TENM4: variants seen among roughly 807,000 people sequenced by gnomAD.
The protein encoded by TENM4 is teneurin-4.
Under a neutral mutation model 243.3 loss-of-function variants are expected in TENM4, and 82 were observed. The ratio of observed to expected loss-of-function variants is 0.34; its 90% CI spans 0.28 to 0.40. The LOEUF (loss-of-function observed/expected upper bound fraction) is 0.40, where lower values mean the gene tolerates loss of function less well. TENM4 is among the 10% of genes least tolerant of loss of function. The probability of loss-of-function intolerance (pLI) is 1.00; values close to 1 mark genes in which losing one functional copy is unlikely to be tolerated. For missense variants in TENM4, 3,138 were observed against 3,673.3 expected, an observed-to-expected ratio of 0.85 and a Z score of 3.77; for synonymous variants, 1,412 against 1,456.3, an observed-to-expected ratio of 0.97 and a Z score of 0.69.
intron 28 of TENM4, among the ~76,000 whole-genome samples, chr11:78,695,740 G>A (rs1858944554): frequency 6.7e-6 from 1 of 150,212 alleles, no homozygotes; most frequent in Non-Finnish European, 1.5e-5. Flanking sequence ...GAAGTCTGCT[G>A]TAATTCTTAC....
chr11:78,996,747 T>C (rs1388429184), intron 6 of TENM4, among the ~76,000 whole-genome samples: 1 of 152,118 alleles, frequency 6.6e-6, no homozygotes, highest in Admixed American at 6.5e-5. Context: ...TTCTCTTCCC[T>C]TCTCTAGGAA....
intron 18 of TENM4, 100 bp from the exon 19 acceptor site, chr11:78,757,121 C>A: frequency 1.6e-6 from 2 of 1,287,452 alleles, no homozygotes; most frequent in Non-Finnish European, 2.1e-6. Flanking sequence ...TTCACTCATT[C>A]AAAAACTTTA....
intron 6 of TENM4, among the ~76,000 whole-genome samples, chr11:79,033,006 C>T (rs1027187251): frequency 6.6e-5 from 10 of 152,092 alleles, no homozygotes; most frequent in Admixed American, 2.0e-4. Flanking sequence ...AGTCACAGAG[C>T]AGTAAAATTC....
chr11:78,795,915 A>G (rs564476585), intron 15 of TENM4, among the ~76,000 whole-genome samples: 6 of 152,260 alleles, frequency 3.9e-5, no homozygotes, highest in Middle Eastern at 3.4e-3. Context: ...TCCTTTAGAC[A>G]TTGAGGCCAA....
intron 9 of TENM4, among the ~76,000 whole-genome samples, chr11:78,871,235 G>A (rs369337421): frequency 4.7e-4 from 71 of 152,272 alleles, no homozygotes; most frequent in African/African-American, 1.5e-3. Flanking sequence ...TCTATAAGAC[G>A]GTGATAATAA....
chr11:79,026,403 A>G (rs1299389147), intron 6 of TENM4, among the ~76,000 whole-genome samples: 1 of 152,196 alleles, frequency 6.6e-6, no homozygotes, highest in Non-Finnish European at 1.5e-5. Context: ...CAATTGCCCA[A>G]GGAAGCGAGT....
intron 9 of TENM4, among the ~76,000 whole-genome samples, chr11:78,888,473 C>A (rs973242554): frequency 6.6e-6 from 1 of 152,228 alleles, no homozygotes; most frequent in African/African-American, 2.4e-5. Context: ...TCCCTCTTTG[C>A]AGGACTGTCA....
At chr11:79,287,461 G>C (rs1856277013) in intron 2 of TENM4, among the ~76,000 whole-genome samples, 1 of 152,140 alleles carries the variant, frequency 6.6e-6, no homozygotes. Flanking sequence ...ATTTAATGTA[G>C]TCCTTGAGAA....
intron 6 of TENM4, among the ~76,000 whole-genome samples, chr11:79,030,821 C>A (rs534058485): frequency 6.6e-6 from 1 of 152,242 alleles, no homozygotes; most frequent in East Asian, 1.9e-4. Context: ...AGATTTCTGA[C>A]CAAGATCCAG....
At chr11:78,776,707 T>TTTA (rs1856747109) in intron 17 of TENM4, among the ~76,000 whole-genome samples, 1 of 152,202 alleles carries the variant, frequency 6.6e-6, no homozygotes, top group African/African-American at 2.4e-5. Context: ...ACATTTGCCT[T>TTTA]TTAAAACAAG....
At chr11:78,932,576 A>C (rs1856693734) in intron 6 of TENM4, among the ~76,000 whole-genome samples, 1 of 152,286 alleles carries the variant, frequency 6.6e-6, no homozygotes, top group African/African-American at 2.4e-5. Flanking sequence ...TAAGCTAAAA[A>C]ATTCTCTGTT....
At position 79,315,259 on chromosome 11, in the gene TENM4, G is replaced by A. The variant is rs561823918; in HGVS notation, c.-320-17716C>T. ...TGAGAAGAGCTGGAATGATTCTCAC[G>A]AGCAGAGCTCCCTGGATCCTGTACC... On this transcript the variant is annotated intron_variant, in intron 1 of 33. Coordinates refer to ENST00000278550, the MANE Select transcript of TENM4 (RefSeq NM_001098816.3). Among the ~76,000 whole-genome samples the A allele has an allele frequency of 1.5e-4, 23 of 152,312 alleles. No homozygotes were observed. In the South Asian group the frequency reaches 3.9e-3, roughly 26 times the overall value.
chr11:79,032,025 A>G (rs1343970631), intron 6 of TENM4, among the ~76,000 whole-genome samples: 1 of 152,206 alleles, frequency 6.6e-6, no homozygotes, highest in African/African-American at 2.4e-5. Flanking sequence ...TGGGAGTACC[A>G]CTGCTCCCTT....
rs1337959628 is a variant in TENM4 at position 78,688,330 on chromosome 11, CT to C, written c.5088-105del. 3.1e-6 allele frequency: 4 copies of C among 1,304,118 alleles called. No individual in the cohort carries two copies. The East Asian group carries it at 9.5e-5, about 31-fold the overall frequency. 80.8% of individuals were successfully genotyped at this position (1,304,118 alleles called of 1,614,324 possible). ...CATGGTTTTGCTGTGCTCTGCTTTT[CT>C]TTCTGGCTGGATACATTCCCATGTC... On this transcript the variant is annotated intron_variant, in intron 28 of 33. Coordinates refer to ENST00000278550, the MANE Select transcript of TENM4 (RefSeq NM_001098816.3).
At chr11:79,356,572 T>C (rs1857499926) in intron 1 of TENM4, among the ~76,000 whole-genome samples, 1 of 152,206 alleles carries the variant, frequency 6.6e-6, no homozygotes, top group Non-Finnish European at 1.5e-5. Context: ...TTACAGTTTC[T>C]CCTTTATCAC....
At chr11:78,741,375 A>T (rs1267660665) in intron 19 of TENM4, among the ~76,000 whole-genome samples, 1 of 152,100 alleles carries the variant, frequency 6.6e-6, no homozygotes, top group Non-Finnish European at 1.5e-5. Flanking sequence ...CTGTGGTGTA[A>T]ATACTCTCAT....
chr11:79,132,979 G>A (rs551596118), intron 4 of TENM4, among the ~76,000 whole-genome samples: 1 of 152,042 alleles, frequency 6.6e-6, no homozygotes, highest in African/African-American at 2.4e-5. Context: ...CCCAGCATAA[G>A]TAAGGAAATA....
At chr11:78,763,129 G>T (rs1361831836) in intron 18 of TENM4, among the ~76,000 whole-genome samples, 1 of 152,176 alleles carries the variant, frequency 6.6e-6, no homozygotes, top group Non-Finnish European at 1.5e-5. Flanking sequence ...AAGAAATCAG[G>T]AAAGCAGAGG....
chr11:79,380,278 C>T (rs1419292263), intron 1 of TENM4, among the ~76,000 whole-genome samples: 1 of 151,330 alleles, frequency 6.6e-6, no homozygotes, highest in African/African-American at 2.4e-5. Flanking sequence ...GAGTGGCACA[C>T]ATGGGCATTT....
Sources: allele counts gnomAD v4.1 joint callset (sites outside exome capture counted in the v4.1 genomes callset), GRCh38; gene constraint gnomAD v4.1.1; transcripts MANE v1.5; gene names NCBI Gene and HGNC (gene_info 2026-07-23, HGNC 2026-07-21).